The following ARSG variants were observed in gnomAD, a reference collection of about 807,000 sequenced individuals.
ARSG encodes arylsulfatase G, also known as ASG.
A neutral mutation model predicts 50.5 loss-of-function variants in ARSG; 37 were observed. The observed-to-expected ratio is 0.73, with a 90% CI of 0.56 to 0.96. ARSG has a LOEUF of 0.96. Among genes scored for constraint, ARSG ranks in the 50% least tolerant of loss-of-function variants. The pLI, the probability that ARSG is intolerant of heterozygous loss-of-function variation, is 0.00. For missense variants in ARSG, 629 were observed against 675.3 expected (o/e 0.93, Z 0.76); for synonymous variants, 225 against 254.6 (o/e 0.88, Z 1.11).
the ARSG span, among the ~76,000 whole-genome samples, chr17:68,437,950 A>T: frequency 5.6e-5 from 2 of 35,500 alleles, no homozygotes. Flanking sequence ...ATCTCTCTTA[A>T]AAAAAAAAAA....
At chr17:68,259,718 T>C (rs2075043390) in intron 1 of ARSG, among the ~76,000 whole-genome samples, 1 of 152,198 alleles carries the variant, frequency 6.6e-6, no homozygotes, top group Non-Finnish European at 1.5e-5. Context: ...ATCTTCAAAT[T>C]CCCGTGTGTT....
chr17:68,433,650 T>G, the ARSG span: 9 of 1,250,946 alleles, frequency 7.2e-6, no homozygotes, highest in African/African-American at 1.3e-4. Flanking sequence ...GAGATCAGCT[T>G]TATAAGAAAA....
intron 8 of ARSG, 52 bp downstream of exon 8, chr17:68,370,576 C>G (rs747474711): frequency 9.0e-6 from 14 of 1,563,984 alleles, no homozygotes; most frequent in Non-Finnish European, 1.2e-5. Context: ...TGAGCCCAGG[C>G]TGGGGTGTGG....
At chr17:68,353,506 C>T (rs1246351499) in intron 5 of ARSG, among the ~76,000 whole-genome samples, 1 of 151,966 alleles carries the variant, frequency 6.6e-6, no homozygotes, top group Non-Finnish European at 1.5e-5. Context: ...AGAGTAAGAT[C>T]CCGTCTCAAA....
Position 68,395,123 on chromosome 17 carries a change from C to T in ARSG, c.1142C>T (p.Pro381Leu). 1.9e-6 allele frequency: 3 copies of T among 1,614,146 alleles called. No homozygotes were observed. Among genetic ancestry groups the T allele is most frequent in the Non-Finnish European group, 2.5e-6 (3 of 1,179,978 alleles). Residue 381 changes from proline to leucine, a missense_variant, in exon 10 of 12, where the codon CCT becomes CTT. Coordinates refer to ENST00000621439, the MANE Select transcript of ARSG (RefSeq NM_001267727.2). The stretch of plus-strand genomic sequence containing the variant: ...GTAGCCCTGGCCCAGGCCAGCTTAC[C>T]TCAAGGACGGCGCTTTGATGGTGTG... ...TVVALAQASL[P>L]QGRRFDGVDV...
chr17:68,444,617 C>T, the ARSG span: 10 of 1,582,476 alleles, frequency 6.3e-6, no homozygotes, highest in Middle Eastern at 1.7e-4. Context: ...TATCAGTCTA[C>T]CGAACCGTTC....
At chr17:68,358,486 C>T (rs891679361) in intron 6 of ARSG, among the ~76,000 whole-genome samples, 13 of 151,548 alleles carry the variant, frequency 8.6e-5, no homozygotes, top group South Asian at 4.2e-4. Context: ...TTCAGGAGTT[C>T]GAAACCAGCC....
chr17:68,346,760 TG>T, intron 3 of ARSG: 1 of 1,296,510 alleles, frequency 7.7e-7, no homozygotes, highest in Non-Finnish European at 1.0e-6. Context: ...CTGGGCCTCC[TG>T]GTGCCTTTGC....
intron 8 of ARSG, among the ~76,000 whole-genome samples, chr17:68,383,868 TTAAACA>T (rs1355724576): frequency 2.6e-5 from 4 of 152,210 alleles, no homozygotes; most frequent in Admixed American, 6.5e-5. Flanking sequence ...CCCCACACCC[TTAAACA>T]TAAACAGTCC....
chr17:68,350,801 TA>T (rs1413616688), intron 4 of ARSG, among the ~76,000 whole-genome samples: 4 of 151,416 alleles, frequency 2.6e-5, no homozygotes, highest in Non-Finnish European at 4.4e-5. Context: ...TAAAATAAAA[TA>T]AAATAAAATA....
At chr17:68,347,028 G>C in intron 3 of ARSG, 97 bp from the exon 4 acceptor site, 1 of 1,572,928 alleles carries the variant, frequency 6.4e-7, no homozygotes. Context: ...AGTGCGAGGC[G>C]AAGCTAATGG....
chr17:68,396,134 G>A (rs1350943792), intron 10 of ARSG, among the ~76,000 whole-genome samples: 1 of 151,256 alleles, frequency 6.6e-6, no homozygotes, highest in Non-Finnish European at 1.5e-5. Context: ...TCACCCTCCC[G>A]AGTACCTGGG....
chr17:68,299,574 A>G (rs536292998), intron 1 of ARSG, among the ~76,000 whole-genome samples: 1 of 152,310 alleles, frequency 6.6e-6, no homozygotes, highest in South Asian at 2.1e-4. Context: ...ACATTTCAAT[A>G]GAGGATACAA....
intron 1 of ARSG, among the ~76,000 whole-genome samples, chr17:68,275,191 A>G (rs2075473891): frequency 6.6e-6 from 1 of 152,216 alleles, no homozygotes; most frequent in African/African-American, 2.4e-5. Flanking sequence ...CTTAGCTTCT[A>G]TAAGCTGTAT....
intron 1 of ARSG, among the ~76,000 whole-genome samples, chr17:68,303,938 G>A (rs966001835): frequency 1.3e-5 from 2 of 152,138 alleles, no homozygotes; most frequent in African/African-American, 2.4e-5. Context: ...GGCTAGATTC[G>A]CTTATTTCCA....
intron 11 of ARSG, among the ~76,000 whole-genome samples, chr17:68,413,362 C>A (rs547315705): frequency 7.6e-4 from 115 of 152,288 alleles, no homozygotes; most frequent in African/African-American, 2.6e-3. Context: ...AGCTGCAGGT[C>A]TGTTGGAGTA....
At chr17:68,382,097 T>A (rs1330999991) in intron 8 of ARSG, among the ~76,000 whole-genome samples, 1 of 152,012 alleles carries the variant, frequency 6.6e-6, no homozygotes, top group Non-Finnish European at 1.5e-5. Flanking sequence ...ATTACAGGCA[T>A]GCGCCACCAC....
chr17:68,424,236 C>G (rs1405987653), downstream of ARSG, among the ~76,000 whole-genome samples: 1 of 152,192 alleles, frequency 6.6e-6, no homozygotes, highest in Admixed American at 6.5e-5. Context: ...CACTTGCCAG[C>G]CACGTCTCTG....
Position 68,271,803 on chromosome 17 carries a change from C to CT in ARSG, c.-552+12380dup. On this transcript the variant is annotated intron_variant, in intron 1 of 11. Transcript: ENST00000448504. This position sits in a 1 kb window ranked among gnomAD's most constrained non-coding sequence, Gnocchi z 5.3. The stretch of plus-strand genomic sequence containing the variant: ...ACTCAGCAGTATGAATGTACTCAAT[C>CT]TTTATTTATTTACTTTTTGAGACAG... 1 of 654,210 alleles carries CT rather than the reference C, an allele frequency of 1.5e-6. No homozygotes were observed. 40.5% of individuals were successfully genotyped at this position (654,210 alleles called of 1,614,324 possible).
Sources: gnomAD v4.1 joint callset for allele counts (sites outside exome capture counted in the v4.1 genomes callset) on GRCh38, gnomAD v4.1.1 for gene constraint, Gnocchi (gnomAD v3.1) non-coding constraint, MANE v1.5 for transcripts, NCBI Gene and HGNC (gene_info 2026-07-23, HGNC 2026-07-21) for gene names.